Variants in ADAM29 observed in about 807,000 individuals in gnomAD.
ADAM29 encodes the protein ADAM metallopeptidase domain 29.
For missense variants in ADAM29, 969 were observed against 1,001.8 expected (o/e 0.97, Z 0.44); for synonymous variants, 367 against 342.3 (o/e 1.07, Z -0.80).
chr4:174,954,660 C>A (rs903923237), intron 4 of ADAM29, among the ~76,000 whole-genome samples: 2 of 152,148 alleles, frequency 1.3e-5, no homozygotes, highest in African/African-American at 2.4e-5. Context: ...ACTGCATTAG[C>A]CTTTTTTACA....
chr4:174,938,896 T>C (rs1161961810), intron 4 of ADAM29, among the ~76,000 whole-genome samples: 2 of 151,974 alleles, frequency 1.3e-5, no homozygotes, highest in East Asian at 1.9e-4. Flanking sequence ...AATCTTTGAG[T>C]TTTTGGTGGC....
chr4:174,962,784 G>GA lies in ADAM29; in HGVS notation c.-180-12553dup, dbSNP rs144902734. 5.3e-5 allele frequency among the ~76,000 whole-genome samples: 8 copies of GA among 150,830 alleles called. No homozygotes were observed. The South Asian group carries it at 1.3e-3, about 24-fold the overall frequency. The stretch of plus-strand genomic sequence containing the variant: ...GTCAATGAAAAAAATAAATTTGAAA[G>GA]AAAAAAAAACTTTGAATTACTTGAT... On this transcript the variant is annotated intron_variant, in intron 4 of 4. Transcript: ENST00000359240.
chr4:174,946,158 T>A (rs1330940410), intron 4 of ADAM29, among the ~76,000 whole-genome samples: 1 of 152,200 alleles, frequency 6.6e-6, no homozygotes, highest in Non-Finnish European at 1.5e-5. Context: ...GTGTCATTTT[T>A]GACTTCTTTC....
chr4:174,922,824 A>G (rs1464059360), intron 2 of ADAM29, among the ~76,000 whole-genome samples: 1 of 152,048 alleles, frequency 6.6e-6, no homozygotes, highest in Admixed American at 6.6e-5. Context: ...TTATCTTTTA[A>G]TATAATCTTT....
At chr4:174,956,715 A>G (rs1013546779) in intron 4 of ADAM29, among the ~76,000 whole-genome samples, 2 of 151,804 alleles carry the variant, frequency 1.3e-5, no homozygotes, top group Non-Finnish European at 3.0e-5. Flanking sequence ...GAATTCTCCT[A>G]CCGTCTCTGT....
intron 2 of ADAM29, among the ~76,000 whole-genome samples, chr4:174,921,641 AT>A (rs1292434299): frequency 2.0e-5 from 3 of 152,162 alleles, no homozygotes; most frequent in African/African-American, 4.8e-5. Context: ...ACTCACATAT[AT>A]TTTGATCCAT....
chr4:174,972,865 A>T (rs958671127), intron 4 of ADAM29, among the ~76,000 whole-genome samples: 1 of 152,046 alleles, frequency 6.6e-6, no homozygotes, highest in Admixed American at 6.5e-5. Flanking sequence ...GAGAGCTGGA[A>T]TTTTTTGTCT....
At chr4:174,940,240 G>C (rs1744449187) in intron 4 of ADAM29, among the ~76,000 whole-genome samples, 1 of 151,952 alleles carries the variant, frequency 6.6e-6, no homozygotes, top group Admixed American at 6.6e-5. Context: ...TACCTCCTCT[G>C]GTCAAAGATT....
Position 174,976,915 on chromosome 4 carries a change from C to T in ADAM29, c.1390C>T (p.Leu464Phe), listed in dbSNP as rs766841450. The T allele has an allele frequency of 2.4e-5, 38 of 1,613,992 alleles. No individual in the cohort carries two copies. In the East Asian group the frequency reaches 8.5e-4, roughly 36 times the overall value. ...TAGAAAGGAGGTCAATGAATGTGAT[C>T]TTCCAGAGTGGTGCAATGGTACTTC... ...VCRKEVNECD[L>F]PEWCNGTSHK... The change falls in exon 5 of 5, where the codon CTT (leucine) becomes TTT (phenylalanine). Residue 464 changes from leucine to phenylalanine, a missense_variant. Physicochemically the swap from Leu to Phe is conservative, Grantham distance 22. Transcript: ENST00000359240.
At position 174,975,997 on chromosome 4, in the gene ADAM29, C is replaced by T; in HGVS notation, c.472C>T (p.Gln158Ter). 6.2e-7 allele frequency: 1 copy of T among 1,613,830 alleles called. No individual in the cohort carries two copies. The highest frequency in any genetic ancestry group is 8.5e-7 in the Non-Finnish European group (1 of 1,179,974). Residue 158 changes from glutamine (Q) to a stop codon, truncating the protein, a stop_gained, in exon 5 of 5, where the codon CAA (glutamine) becomes TAA (stop). Coordinates refer to ENST00000359240, the MANE Select transcript of ADAM29 (RefSeq NM_014269.4). LOFTEE classifies it low-confidence loss of function (END_TRUNC). The stretch of plus-strand genomic sequence containing the variant: ...ATACAAGATGGACAGTGAGGAGAAA[C>T]AATTTTCAACCATGAGATCCGGATT... ...LVYKMDSEEK[Q>*]FSTMRSGFMQ...
At chr4:174,974,342 T>C (rs916575957) in intron 4 of ADAM29, among the ~76,000 whole-genome samples, 14 of 152,232 alleles carry the variant, frequency 9.2e-5, no homozygotes, top group African/African-American at 3.4e-4. Flanking sequence ...GCACCCAGTT[T>C]GGGATATACA....
chr4:174,936,244 C>A (rs1371521391), intron 3 of ADAM29, among the ~76,000 whole-genome samples: 1 of 151,882 alleles, frequency 6.6e-6, no homozygotes, highest in African/African-American at 2.4e-5. Context: ...GACTTGAATT[C>A]CCAAATAAAA....
chr4:174,977,239 C>G lies in ADAM29; in HGVS notation c.1714C>G (p.His572Asp), dbSNP rs146793989. 6.8e-6 allele frequency: 11 copies of G among 1,613,876 alleles called. No individual in the cohort carries two copies. The African/African-American group carries it at 1.3e-4, about 20-fold the overall frequency. ...IPNMSDHTTV[H>D]WARFNDIMCW... The stretch of plus-strand genomic sequence containing the variant: ...CAATATGAGTGATCATACTACTGTG[C>G]ATTGGGCTCGCTTCAATGACATAAT... The change falls in exon 5 of 5, where the codon CAT (histidine) becomes GAT (aspartate). Residue 572 changes from histidine (H) to aspartate (D), a missense_variant. Transcript: ENST00000359240.
At chr4:174,933,554 G>A (rs993450837) in intron 3 of ADAM29, among the ~76,000 whole-genome samples, 1 of 152,166 alleles carries the variant, frequency 6.6e-6, no homozygotes, top group Middle Eastern at 3.4e-3. Context: ...GGAGTTTGTT[G>A]TACAGAATAT....
At chr4:174,936,668 T>TTTCA (rs1744219583) in intron 3 of ADAM29, among the ~76,000 whole-genome samples, 1 of 152,022 alleles carries the variant, frequency 6.6e-6, no homozygotes, top group African/African-American at 2.4e-5. Context: ...GTACTATTTT[T>TTTCA]TTCATTGTTA....
chr4:174,952,103 A>G (rs1745210550), intron 4 of ADAM29, among the ~76,000 whole-genome samples: 1 of 152,204 alleles, frequency 6.6e-6, no homozygotes, highest in Non-Finnish European at 1.5e-5. Flanking sequence ...ATATACATGT[A>G]TCAAAACATC....
At chr4:174,963,585 C>T (rs951557249) in intron 4 of ADAM29, among the ~76,000 whole-genome samples, 1 of 152,136 alleles carries the variant, frequency 6.6e-6, no homozygotes, top group Non-Finnish European at 1.5e-5. Context: ...TTCCTCACTA[C>T]TTTAAATATA....
intron 4 of ADAM29, among the ~76,000 whole-genome samples, chr4:174,966,627 A>G (rs1746174737): frequency 6.6e-6 from 1 of 152,170 alleles, no homozygotes; most frequent in Non-Finnish European, 1.5e-5. Context: ...GTCTGGTTTG[A>G]TGCTCTGCCT....
intron 4 of ADAM29, among the ~76,000 whole-genome samples, chr4:174,951,498 TATTTGTTTG>T (rs1374444810): frequency 6.6e-6 from 1 of 152,240 alleles, no homozygotes; most frequent in Non-Finnish European, 1.5e-5. Flanking sequence ...TATAATGGTT[TATTTGTTTG>T]AAATGATGTT....
Sources: gnomAD v4.1 joint callset for allele counts (sites outside exome capture counted in the v4.1 genomes callset) on GRCh38, gnomAD v4.1.1 for gene constraint, MANE v1.5 for transcripts, NCBI Gene and HGNC (gene_info 2026-07-23, HGNC 2026-07-21) for gene names.